Variants in PPP2R5E observed in about 807,000 individuals in gnomAD.
The protein encoded by PPP2R5E is protein phosphatase 2 regulatory subunit B'epsilon.
A neutral mutation model predicts 65.3 loss-of-function variants in PPP2R5E; 4 were observed. The observed-to-expected ratio is 0.06, with a 90% confidence interval of 0.03 to 0.14. The LOEUF is 0.14. Ranked by LOEUF, PPP2R5E falls within the 10% of genes least tolerant of loss-of-function variation. The pLI, the probability that PPP2R5E is intolerant of heterozygous loss-of-function variation, is 1.00. For synonymous variants in PPP2R5E, 183 were observed against 187.4 expected (o/e 0.98, Z 0.19); for missense variants, 274 against 556.1 (o/e 0.49, Z 5.10).
intron 2 of PPP2R5E, among the ~76,000 whole-genome samples, chr14:63,488,598 C>G (rs922180423): frequency 1.3e-5 from 2 of 152,072 alleles, no homozygotes. Flanking sequence ...CCTGTAATCC[C>G]AGCACTTTGG....
At chr14:63,505,902 T>C (rs1009772101) in intron 2 of PPP2R5E, among the ~76,000 whole-genome samples, 1 of 152,060 alleles carries the variant, frequency 6.6e-6, no homozygotes, top group Non-Finnish European at 1.5e-5. Flanking sequence ...ATAATCAATA[T>C]GAAAAAATAT....
intron 2 of PPP2R5E, among the ~76,000 whole-genome samples, chr14:63,483,632 G>A (rs1890822153): frequency 6.6e-6 from 1 of 152,092 alleles, no homozygotes; most frequent in Non-Finnish European, 1.5e-5. Context: ...TTTCTGCTGT[G>A]GGGTCCAAGG....
At chr14:63,437,802 T>A (rs1280859989) in intron 3 of PPP2R5E, among the ~76,000 whole-genome samples, 1 of 152,300 alleles carries the variant, frequency 6.6e-6, no homozygotes, top group Middle Eastern at 3.4e-3. Flanking sequence ...CTTGTCCATT[T>A]TGTCAAAAAA....
chr14:63,461,658 GC>G, intron 2 of PPP2R5E, among the ~76,000 whole-genome samples: 1 of 110,598 alleles, frequency 9.0e-6, no homozygotes, highest in Non-Finnish European at 1.8e-5. Context: ...AAAAAAAATT[GC>G]TGGGCTTGGT....
At chr14:63,515,092 A>G (rs756945878) in intron 2 of PPP2R5E, among the ~76,000 whole-genome samples, 2 of 152,034 alleles carry the variant, frequency 1.3e-5, no homozygotes, top group African/African-American at 2.4e-5. Context: ...ACCTGGCCAT[A>G]CCTCCGTACA....
chr14:63,528,532 T>C (rs536443183), intron 2 of PPP2R5E, among the ~76,000 whole-genome samples: 7 of 152,336 alleles, frequency 4.6e-5, no homozygotes, highest in Admixed American at 2.6e-4. Flanking sequence ...GTTTTTAACC[T>C]GAAACATGCA....
chr14:63,395,332 AGAAG>A (rs1476606630), intron 6 of PPP2R5E, 47 bp from the exon 7 acceptor site: 2 of 1,274,054 alleles, frequency 1.6e-6, no homozygotes, highest in Non-Finnish European at 2.2e-6. Context: ...GAGGAGGAGG[AGAAG>A]GAAGGGATAA....
intron 2 of PPP2R5E, among the ~76,000 whole-genome samples, chr14:63,527,618 G>C (rs978713990): frequency 6.6e-6 from 1 of 152,086 alleles, no homozygotes; most frequent in Admixed American, 6.6e-5. Flanking sequence ...CCCAGTTTTA[G>C]AGAGAAGAAA....
chr14:63,530,027 ACTATAG>A (rs1220293788), intron 2 of PPP2R5E, among the ~76,000 whole-genome samples: 2 of 152,132 alleles, frequency 1.3e-5, no homozygotes, highest in Non-Finnish European at 1.5e-5. Context: ...AAAACTCTTA[ACTATAG>A]AGAGAGAACG....
rs73274613 is a variant in PPP2R5E, at chr14:63,449,141, A to T, written c.354+4548T>A. Among the ~76,000 whole-genome samples, 1,468 of 152,322 alleles carry T rather than the reference A, an allele frequency of 9.6e-3. 23 individuals carry two copies. The highest frequency in any genetic ancestry group is 0.034 in the African/African-American group (1,413 of 41,562). On this transcript the variant is annotated intron_variant, in intron 3 of 13. Transcript: ENST00000337537. The stretch of plus-strand genomic sequence containing the variant: ...ATCACTTCATTAGTATTTCATAAAA[A>T]ACACTATCATTTCCCTCACTAATTC...
chr14:63,538,399 A>G (rs1194944011), intron 2 of PPP2R5E, among the ~76,000 whole-genome samples: 1 of 151,636 alleles, frequency 6.6e-6, no homozygotes, highest in Non-Finnish European at 1.5e-5. Flanking sequence ...AGCTGGGATT[A>G]CAGGTGCCAC....
chr14:63,384,213 G>A (rs2139753561), intron 12 of PPP2R5E, among the ~76,000 whole-genome samples: 1 of 152,202 alleles, frequency 6.6e-6, no homozygotes, highest in Middle Eastern at 3.4e-3. Context: ...CAAAAGATCT[G>A]CTACCTTCAT....
chr14:63,386,937 AG>A (rs1473627900), intron 11 of PPP2R5E, among the ~76,000 whole-genome samples: 331 of 150,788 alleles, frequency 2.2e-3, no homozygotes, highest in African/African-American at 7.0e-3. Context: ...AAAAAAAAAA[AG>A]AAGAAAGAAA....
chr14:63,517,016 G>T (rs140639871), intron 2 of PPP2R5E, among the ~76,000 whole-genome samples: 22 of 152,160 alleles, frequency 1.4e-4, no homozygotes, highest in Admixed American at 5.2e-4. Context: ...AGCATACAAA[G>T]AGATCAACTT....
intron 3 of PPP2R5E, among the ~76,000 whole-genome samples, chr14:63,444,955 A>T (rs1164196932): frequency 2.0e-5 from 3 of 152,264 alleles, no homozygotes; most frequent in Non-Finnish European, 4.4e-5. Context: ...AATGGCCTGT[A>T]AACTTTAAGA....
intron 2 of PPP2R5E, among the ~76,000 whole-genome samples, chr14:63,487,361 C>G (rs915690576): frequency 1.3e-5 from 2 of 152,172 alleles, no homozygotes; most frequent in Non-Finnish European, 2.9e-5. Context: ...CCACCCCCCC[C>G]TCTTAAATTC....
At chr14:63,534,769 A>G (rs1893598714) in intron 2 of PPP2R5E, among the ~76,000 whole-genome samples, 1 of 152,054 alleles carries the variant, frequency 6.6e-6, no homozygotes, top group South Asian at 2.1e-4. Flanking sequence ...ACAGGTGTAC[A>G]CCACCACCCT....
At position 63,371,815 on chromosome 14, in the gene PPP2R5E, C is replaced by T. The variant is rs1183612984; in HGVS notation, c.*4194G>A. Reference sequence around the variant, plus strand: ...TAACAGGGAAAATGAACTTTTGCTGCCCTCTCCTGCTAAAACAATGAAATA... The same window carrying T: ...TAACAGGGAAAATGAACTTTTGCTGTCCTCTCCTGCTAAAACAATGAAATA... On this transcript the variant is annotated 3_prime_UTR_variant, in exon 14 of 14. Coordinates refer to ENST00000337537, the MANE Select transcript of PPP2R5E (RefSeq NM_006246.5). 1 of 152,090 alleles carries T rather than the reference C, an allele frequency of 6.6e-6. No homozygotes were observed. Among genetic ancestry groups the T allele is most frequent in the Non-Finnish European group, 1.5e-5 (1 of 67,996 alleles). 9.4% of individuals were successfully genotyped at this position (152,090 alleles called of 1,614,324 possible). A position where few individuals can be genotyped will look rare whatever the true frequency, so the allele number is the denominator to read the frequency against.
chr14:63,456,035 G>A (rs1889111618), intron 2 of PPP2R5E, among the ~76,000 whole-genome samples: 1 of 152,020 alleles, frequency 6.6e-6, no homozygotes, highest in Admixed American at 6.6e-5. Context: ...CCAAAGTGTT[G>A]GGATTACAGG....
Sources: allele counts gnomAD v4.1 joint callset (sites outside exome capture counted in the v4.1 genomes callset), GRCh38; gene constraint gnomAD v4.1.1; transcripts MANE v1.5; gene names NCBI Gene and HGNC (gene_info 2026-07-23, HGNC 2026-07-21).